Variants in SLC9A9 observed in about 807,000 individuals in gnomAD.
SLC9A9 encodes the protein solute carrier family 9 member A9.
Under a neutral mutation model 77.8 loss-of-function variants are expected in SLC9A9, and 62 were observed. The ratio of observed to expected loss-of-function variants is 0.80; its 90% confidence interval spans 0.65 to 0.98. The LOEUF (loss-of-function observed/expected upper bound fraction) is 0.98, where lower values mean the gene tolerates loss of function less well. Ranked by LOEUF, SLC9A9 falls within the 50% of genes least tolerant of loss-of-function variation. The pLI is 0.00. For missense variants in SLC9A9, 775 were observed against 774.9 expected (o/e 1.00, Z 0.00); for synonymous variants, 320 against 283.5 (o/e 1.13, Z -1.29).
intron 6 of SLC9A9, among the ~76,000 whole-genome samples, chr3:143,612,996 T>G (rs1023257427): frequency 3.3e-5 from 5 of 152,232 alleles, no homozygotes; most frequent in Non-Finnish European, 7.3e-5. Flanking sequence ...GACAAACAAT[T>G]TGGAAACAGC....
intron 9 of SLC9A9, among the ~76,000 whole-genome samples, chr3:143,551,321 T>C (rs1355011136): frequency 6.6e-6 from 1 of 152,186 alleles, no homozygotes; most frequent in Admixed American, 6.5e-5. Flanking sequence ...TGTAAGCCAC[T>C]CCCCATTACC....
At chr3:143,796,692 G>T in intron 3 of SLC9A9, 134 bp downstream of exon 3, 1 of 626,884 alleles carries the variant, frequency 1.6e-6, no homozygotes, top group East Asian at 2.9e-5. Context: ...TGTCAGGTTT[G>T]AATCTGCATC....
intron 4 of SLC9A9, among the ~76,000 whole-genome samples, chr3:143,729,730 CT>C (rs1424253322): frequency 6.6e-6 from 1 of 152,140 alleles, no homozygotes; most frequent in Admixed American, 6.5e-5. Context: ...TTCTTACCCC[CT>C]AGAAGATTCT....
intron 4 of SLC9A9, among the ~76,000 whole-genome samples, chr3:143,787,200 A>G (rs2008079931): frequency 6.6e-6 from 1 of 152,188 alleles, no homozygotes; most frequent in South Asian, 2.1e-4. Context: ...AATCTACTAA[A>G]TAGCTCCCAT....
At chr3:143,709,830 T>G (rs1398392244) in intron 4 of SLC9A9, among the ~76,000 whole-genome samples, 4 of 152,136 alleles carry the variant, frequency 2.6e-5, no homozygotes, top group Admixed American at 2.6e-4. Context: ...GAATGTGTCA[T>G]CCACTGAAAT....
intron 4 of SLC9A9, among the ~76,000 whole-genome samples, chr3:143,765,680 A>G (rs1334476238): frequency 1.3e-5 from 2 of 152,230 alleles, no homozygotes; most frequent in Admixed American, 1.3e-4. Flanking sequence ...GGCCCTGTAC[A>G]GTCAAATTCA....
intron 9 of SLC9A9, among the ~76,000 whole-genome samples, chr3:143,541,489 C>A (rs1272810006): frequency 6.6e-6 from 1 of 152,204 alleles, no homozygotes; most frequent in Admixed American, 6.5e-5. Context: ...ACTTCACAAA[C>A]TATACGAAAT....
At chr3:143,435,363 G>T (rs539834423) in intron 12 of SLC9A9, among the ~76,000 whole-genome samples, 70 of 152,284 alleles carry the variant, frequency 4.6e-4, no homozygotes, top group African/African-American at 1.5e-3. Context: ...GTCCAATGGC[G>T]TTGTGTTTCT....
chr3:143,752,350 C>T (rs2006756823), intron 4 of SLC9A9, among the ~76,000 whole-genome samples: 2 of 152,158 alleles, frequency 1.3e-5, no homozygotes, highest in South Asian at 4.1e-4. Context: ...CACAGGCAGC[C>T]TAGTAAGTCT....
At chr3:143,486,299 A>C (rs914660266) in intron 11 of SLC9A9, among the ~76,000 whole-genome samples, 1 of 152,172 alleles carries the variant, frequency 6.6e-6, no homozygotes, top group African/African-American at 2.4e-5. Context: ...CCTTTAAGAA[A>C]TCCCTCAAGA....
At chr3:143,510,512 T>C (rs996046884) in intron 9 of SLC9A9, among the ~76,000 whole-genome samples, 1 of 152,202 alleles carries the variant, frequency 6.6e-6, no homozygotes, top group Non-Finnish European at 1.5e-5. Context: ...GCACCTAGGC[T>C]CTGAGTGTCT....
chr3:143,541,074 CCCA>C (rs1222730947), intron 9 of SLC9A9, among the ~76,000 whole-genome samples: 1 of 152,118 alleles, frequency 6.6e-6, no homozygotes, highest in African/African-American at 2.4e-5. Context: ...CACCCCTTCC[CCCA>C]CCACCACTTC....
intron 6 of SLC9A9, among the ~76,000 whole-genome samples, chr3:143,624,728 C>G (rs1002865839): frequency 6.6e-6 from 1 of 152,172 alleles, no homozygotes; most frequent in Admixed American, 6.5e-5. Flanking sequence ...CCCTCTCTTA[C>G]CACTCCTATT....
At chr3:143,816,929 C>T (rs916296263) in intron 2 of SLC9A9, among the ~76,000 whole-genome samples, 1 of 152,026 alleles carries the variant, frequency 6.6e-6, no homozygotes, top group African/African-American at 2.4e-5. Flanking sequence ...ATTTATTGGC[C>T]TTTGTGGTAT....
chr3:143,568,306 G>A (rs1235681080), intron 8 of SLC9A9, among the ~76,000 whole-genome samples: 2 of 151,998 alleles, frequency 1.3e-5, no homozygotes, highest in Non-Finnish European at 2.9e-5. Flanking sequence ...GTCAGGGGAG[G>A]GTGGGACACG....
chr3:143,606,430 CTCTCTCTA>C (rs1444184014), intron 6 of SLC9A9, among the ~76,000 whole-genome samples: 2,375 of 63,136 alleles, frequency 0.038, 32 homozygotes, highest in Non-Finnish European at 0.051. Flanking sequence ...CTCTCTCTCT[CTCTCTCTA>C]TATATATATA....
At chr3:143,617,063 A>C (rs1034138351) in intron 6 of SLC9A9, among the ~76,000 whole-genome samples, 4 of 152,188 alleles carry the variant, frequency 2.6e-5, no homozygotes, top group Admixed American at 6.5e-5. Flanking sequence ...CATGTTTTCC[A>C]AGACAGGTGT....
At chr3:143,669,040 T>C (rs1412513497) in intron 5 of SLC9A9, among the ~76,000 whole-genome samples, 1 of 152,074 alleles carries the variant, frequency 6.6e-6, no homozygotes, top group Non-Finnish European at 1.5e-5. Flanking sequence ...CTAGGTACCT[T>C]TCTCTTAAGA....
At chr3:143,709,743 C>T (rs939096847) in intron 4 of SLC9A9, among the ~76,000 whole-genome samples, 7 of 152,048 alleles carry the variant, frequency 4.6e-5, no homozygotes, top group Non-Finnish European at 1.0e-4. Context: ...GGATTCAAGG[C>T]GTTGTTACCT....
Sources: allele counts gnomAD v4.1 joint callset (sites outside exome capture counted in the v4.1 genomes callset), GRCh38; gene constraint gnomAD v4.1.1; transcripts MANE v1.5; gene names NCBI Gene and HGNC (gene_info 2026-07-23, HGNC 2026-07-21).